The following NGEF variants were observed in gnomAD, a reference collection of about 807,000 sequenced individuals.
NGEF encodes the protein neuronal guanine nucleotide exchange factor.
Under a neutral mutation model 80.9 loss-of-function variants are expected in NGEF, and 31 were observed. The observed-to-expected ratio is 0.38, with a 90% confidence interval of 0.29 to 0.52. NGEF has a LOEUF of 0.52. NGEF is among the 20% of genes least tolerant of loss of function. NGEF has a pLI of 0.84. For synonymous variants in NGEF, 371 were observed against 370.2 expected (o/e 1.00, Z -0.03); for missense variants, 709 against 926.2 (o/e 0.77, Z 3.04).
intron 4 of NGEF, among the ~76,000 whole-genome samples, chr2:232,923,871 G>A (rs568791285): frequency 4.6e-5 from 7 of 152,266 alleles, no homozygotes; most frequent in Non-Finnish European, 8.8e-5. Flanking sequence ...TTTAAGAGGT[G>A]GGGCCTTTGA....
intron 1 of NGEF, among the ~76,000 whole-genome samples, chr2:233,002,662 C>A (rs903097604): frequency 2.0e-5 from 3 of 152,126 alleles, no homozygotes; most frequent in African/African-American, 7.2e-5. Flanking sequence ...TAGAGAGAGA[C>A]CCTGTCACAC....
chr2:232,898,982 G>T (rs1207206532), intron 5 of NGEF, among the ~76,000 whole-genome samples: 2 of 152,152 alleles, frequency 1.3e-5, no homozygotes, highest in Non-Finnish European at 2.9e-5. Flanking sequence ...ATGTGTGTGT[G>T]TGAATGTGAG....
At chr2:232,894,663 G>T in intron 6 of NGEF, 93 bp downstream of exon 6, 3 of 1,179,756 alleles carry the variant, frequency 2.5e-6, no homozygotes, top group Non-Finnish European at 2.3e-6. Context: ...AAGTAGAGAA[G>T]CCAGTATCGA....
chr2:232,974,679 C>T lies in NGEF; in HGVS notation c.212G>A (p.Arg71His), dbSNP rs764807480. 44 of 1,614,070 alleles carry T rather than the reference C, an allele frequency of 2.7e-5. No homozygotes were observed. In the Admixed American group the frequency reaches 5.3e-4, roughly 20 times the overall value. The change falls in exon 2 of 15, where the codon CGC (arginine) becomes CAC (histidine). Residue 71 changes from arginine to histidine, a missense_variant. Physicochemically the swap from Arg to His is conservative, Grantham distance 29 (BLOSUM62 0). This residue lies in a region of NGEF where 283 missense variants were observed against 303.4 expected (regional missense o/e 0.93). Coordinates refer to ENST00000264051, the MANE Select transcript of NGEF (RefSeq NM_019850.3). ...RNSIFNRSIR[R>H]KSKAKARDNP... ...GTCTCTGGCCTTGGCTTTGCTTTTGCGTCTTATGGAGCGATTGAAGATGGA... is the reference window on the plus strand; with the variant it reads ...GTCTCTGGCCTTGGCTTTGCTTTTGTGTCTTATGGAGCGATTGAAGATGGA...
chr2:232,906,780 G>GC (rs1465954050), intron 5 of NGEF, among the ~76,000 whole-genome samples: 2 of 151,492 alleles, frequency 1.3e-5, no homozygotes, highest in Non-Finnish European at 2.9e-5. Context: ...TCGGATGGTT[G>GC]CGGTGTCTGT....
chr2:232,981,806 C>T (rs1694434869), intron 1 of NGEF, among the ~76,000 whole-genome samples: 1 of 152,220 alleles, frequency 6.6e-6, no homozygotes, highest in South Asian at 2.1e-4. Context: ...TACTATTTCT[C>T]CATTGCAATT....
At chr2:232,914,393 A>G (rs944261736) in intron 5 of NGEF, among the ~76,000 whole-genome samples, 2 of 152,206 alleles carry the variant, frequency 1.3e-5, no homozygotes, top group African/African-American at 2.4e-5. Context: ...GCTAGTGACT[A>G]TTGGAGACAT....
intron 7 of NGEF, 89 bp from the exon 8 acceptor site, chr2:232,891,576 C>T: frequency 7.0e-7 from 1 of 1,427,532 alleles, no homozygotes; most frequent in Non-Finnish European, 9.4e-7. Context: ...CTCCCAGGAT[C>T]CAGACGACCC....
intron 1 of NGEF, among the ~76,000 whole-genome samples, chr2:232,994,093 G>A (rs919971687): frequency 1.3e-5 from 2 of 152,156 alleles, no homozygotes; most frequent in Admixed American, 6.6e-5. Flanking sequence ...TATTAGGCTG[G>A]GTCCGGTGGC....
chr2:232,979,357 T>TACACACACAC lies in NGEF; in HGVS notation c.-74-4403_-74-4394dup, dbSNP rs375393249. The stretch of plus-strand genomic sequence containing the variant: ...GATCTTACCACCTTTGAGATGATTT[T>TACACACACAC]ACACACACACACACACACACACACA... On this transcript the variant is annotated intron_variant, in intron 1 of 14. Coordinates refer to ENST00000264051, the MANE Select transcript of NGEF (RefSeq NM_019850.3). Among the ~76,000 whole-genome samples, 55 of 110,386 alleles carry TACACACACAC rather than the reference T, an allele frequency of 5.0e-4. 1 individual carries two copies. The South Asian group carries it at 8.6e-3, about 17-fold the overall frequency. The allele number at this position is 110,386 out of a possible 152,430, so 72.4% of individuals were successfully genotyped here. A position where few individuals can be genotyped will look rare whatever the true frequency, so the allele number is the denominator to read the frequency against.
intron 3 of NGEF, among the ~76,000 whole-genome samples, chr2:232,942,329 G>T (rs1446705256): frequency 6.6e-6 from 1 of 152,208 alleles, no homozygotes; most frequent in African/African-American, 2.4e-5. Context: ...TGCCCCACTT[G>T]TCGCTGTGAG....
In NGEF at chr2:232,989,087, G is replaced by T. The variant is rs367896230; in HGVS notation, c.-74-14123C>A. ...AGGTTAAATTAGATGAGGGAGCCTG[G>T]ATAGTTGGGGAGTAGGGCTGGGAGG... On this transcript the variant is annotated intron_variant, in intron 1 of 14. Coordinates refer to ENST00000264051, the MANE Select transcript of NGEF (RefSeq NM_019850.3). Among the ~76,000 whole-genome samples the T allele has an allele frequency of 1.6e-4, 24 of 152,242 alleles. 1 individual carries two copies. Among genetic ancestry groups the T allele is most frequent in the African/African-American group, 4.6e-4 (19 of 41,538 alleles).
At chr2:232,895,621 G>T (rs940613419) in intron 5 of NGEF, among the ~76,000 whole-genome samples, 1 of 152,140 alleles carries the variant, frequency 6.6e-6, no homozygotes, top group South Asian at 2.1e-4. Flanking sequence ...GGGTGCGAAA[G>T]TCAGCAGGTG....
rs190972853 is a variant in NGEF, at chr2:232,954,586, G to A, written c.383+15628C>T. ...TAAAAATACAAAAAATTAGCCAGGC[G>A]TGGTGGCAGGTGCCTGTAGTCCCAG... On this transcript the variant is annotated intron_variant, in intron 3 of 14. Transcript: ENST00000264051. Among the ~76,000 whole-genome samples the A allele has an allele frequency of 6.8e-3, 1,029 of 152,166 alleles. 7 individuals are homozygous for A. The highest frequency in any genetic ancestry group is 0.012 in the Non-Finnish European group (786 of 68,008).
intron 5 of NGEF, chr2:232,905,566 G>A (rs1247049636): frequency 3.6e-5 from 9 of 247,506 alleles, no homozygotes; most frequent in South Asian, 1.6e-4. Flanking sequence ...GCCGCCCATC[G>A]TCTGGGACGT....
intron 5 of NGEF, among the ~76,000 whole-genome samples, chr2:232,905,254 G>A (rs918278199): frequency 2.0e-5 from 3 of 152,198 alleles, no homozygotes; most frequent in African/African-American, 2.4e-5. Context: ...GGCGCGCGCC[G>A]CCACGCCTGA....
chr2:232,880,189 G>A (rs909568944), intron 14 of NGEF, among the ~76,000 whole-genome samples: 2 of 152,234 alleles, frequency 1.3e-5, no homozygotes, highest in African/African-American at 2.4e-5. Flanking sequence ...GGCTGGTGTG[G>A]TCAGTGGAGA....
chr2:232,909,119 C>T (rs934561026), intron 5 of NGEF, among the ~76,000 whole-genome samples: 2 of 152,160 alleles, frequency 1.3e-5, no homozygotes, highest in Admixed American at 6.5e-5. Flanking sequence ...AACACTGAAT[C>T]GTGTTAGCAG....
At position 232,899,757 on chromosome 2, in the gene NGEF, C is replaced by T. The variant is rs545625061; in HGVS notation, c.829-4841G>A. ...TCACTCACATTCACTTACACACGTGCTCTCACAGTCACTCATATACACGTT... is the reference window on the plus strand; with the variant it reads ...TCACTCACATTCACTTACACACGTGTTCTCACAGTCACTCATATACACGTT... On this transcript the variant is annotated intron_variant, in intron 5 of 14. Transcript: ENST00000264051. Among the ~76,000 whole-genome samples the T allele has an allele frequency of 4.0e-3, 595 of 147,246 alleles. 6 individuals are homozygous for T. Among genetic ancestry groups the T allele is most frequent in the Non-Finnish European group, 6.1e-3 (412 of 67,084 alleles).
Sources: gnomAD v4.1 joint callset for allele counts (sites outside exome capture counted in the v4.1 genomes callset) on GRCh38, gnomAD v4.1.1 for gene constraint, gnomAD v4.1.1 regional missense constraint, MANE v1.5 for transcripts, NCBI Gene and HGNC (gene_info 2026-07-23, HGNC 2026-07-21) for gene names.